The following CACNG4 variants were observed in gnomAD, a reference collection of about 807,000 sequenced individuals.
CACNG4 encodes the protein voltage-dependent calcium channel gamma-4 subunit.
Under a neutral mutation model 22.9 loss-of-function variants are expected in CACNG4, and 8 were observed. The observed-to-expected ratio is 0.35, with a 90% confidence interval of 0.21 to 0.63. The LOEUF (loss-of-function observed/expected upper bound fraction) is 0.63, where lower values mean the gene tolerates loss of function less well. CACNG4 is among the 30% of genes least tolerant of loss of function. The pLI, the probability that CACNG4 is intolerant of heterozygous loss-of-function variation, is 0.72. For synonymous variants in CACNG4, 188 were observed against 191.9 expected, an observed-to-expected ratio of 0.98 and a Z score of 0.17; for missense variants, 357 against 455.4, an observed-to-expected ratio of 0.78 and a Z score of 1.97.
intron 1 of CACNG4, among the ~76,000 whole-genome samples, chr17:67,000,722 TC>T (rs2035403169): frequency 2.0e-5 from 3 of 152,214 alleles, no homozygotes; most frequent in South Asian, 4.2e-4. Flanking sequence ...AGGACTGCTT[TC>T]GGGACGGGGG....
At chr17:66,980,683 C>T (rs1007594164) in intron 1 of CACNG4, among the ~76,000 whole-genome samples, 2 of 133,984 alleles carry the variant, frequency 1.5e-5, no homozygotes, top group Admixed American at 1.6e-4. Flanking sequence ...AGTGCAGTGG[C>T]ACAATCTCAT....
intron 1 of CACNG4, among the ~76,000 whole-genome samples, chr17:66,979,948 G>A (rs985940722): frequency 1.3e-5 from 2 of 151,936 alleles, no homozygotes; most frequent in Non-Finnish European, 2.9e-5. Flanking sequence ...TAGAGATGGG[G>A]TTTCACCATG....
At chr17:67,029,174 A>T (rs1206490100) in intron 3 of CACNG4, among the ~76,000 whole-genome samples, 1 of 151,968 alleles carries the variant, frequency 6.6e-6, no homozygotes, top group Non-Finnish European at 1.5e-5. Context: ...TCTACTAAAA[A>T]TACAAAAATT....
intron 1 of CACNG4, among the ~76,000 whole-genome samples, chr17:67,004,469 G>C (rs976233105): frequency 6.6e-6 from 1 of 152,136 alleles, no homozygotes; most frequent in South Asian, 2.1e-4. Context: ...CGTGGGGCTG[G>C]TGCTCAGCAT....
chr17:67,019,833 G>A (rs1159009351), intron 2 of CACNG4: 4 of 152,204 alleles, frequency 2.6e-5, no homozygotes, highest in African/African-American at 9.7e-5. Context: ...GGAGTGCTGG[G>A]GTCTCTTTAT....
At chr17:67,003,090 G>T (rs2035418052) in intron 1 of CACNG4, among the ~76,000 whole-genome samples, 1 of 152,096 alleles carries the variant, frequency 6.6e-6, no homozygotes, top group African/African-American at 2.4e-5. Flanking sequence ...AATAAGACCA[G>T]CTGACTCTTT....
At chr17:67,009,964 T>C (rs2035459609) in intron 1 of CACNG4, among the ~76,000 whole-genome samples, 1 of 152,080 alleles carries the variant, frequency 6.6e-6, no homozygotes, top group Non-Finnish European at 1.5e-5. Context: ...CTGCCCACCA[T>C]GCAAGACCCC....
chr17:66,974,696 A>G (rs2035225384), intron 1 of CACNG4, among the ~76,000 whole-genome samples: 1 of 152,142 alleles, frequency 6.6e-6, no homozygotes, highest in Non-Finnish European at 1.5e-5. Context: ...AGACAATGAC[A>G]GACTGAGCTG....
chr17:67,016,531 G>C (rs2035498563), intron 1 of CACNG4, among the ~76,000 whole-genome samples: 1 of 152,176 alleles, frequency 6.6e-6, no homozygotes, highest in Non-Finnish European at 1.5e-5. Flanking sequence ...ACCTCTCCTG[G>C]TTGGAAGCAT....
rs905951739 is a variant in CACNG4 at position 67,004,363 on chromosome 17, G to A, written c.221-13826G>A. The stretch of plus-strand genomic sequence containing the variant: ...ATCCTGGCCCTCTCTGGAACAAAGT[G>A]TTGGAGGAGGCGTGAGGCTGGTGCT... On this transcript the variant is annotated intron_variant, in intron 1 of 3. Coordinates refer to ENST00000262138, the MANE Select transcript of CACNG4 (RefSeq NM_014405.4). Among the ~76,000 whole-genome samples the A allele has an allele frequency of 2.6e-4, 39 of 152,302 alleles. 1 individual carries two copies. The highest frequency in any genetic ancestry group is 2.5e-3 in the Admixed American group (38 of 15,300).
chr17:66,973,073 C>T (rs1375234875), intron 1 of CACNG4, among the ~76,000 whole-genome samples: 1 of 152,008 alleles, frequency 6.6e-6, no homozygotes, highest in Non-Finnish European at 1.5e-5. Flanking sequence ...TGGTGAAACC[C>T]CCAACTCTAC....
chr17:66,973,908 G>T (rs146307295), intron 1 of CACNG4, among the ~76,000 whole-genome samples: 4 of 152,344 alleles, frequency 2.6e-5, no homozygotes, highest in African/African-American at 9.6e-5. Context: ...GAAGTGCTGC[G>T]CGAGACTCTC....
At chr17:66,981,166 T>C (rs1306204607) in intron 1 of CACNG4, among the ~76,000 whole-genome samples, 2 of 152,108 alleles carry the variant, frequency 1.3e-5, no homozygotes, top group East Asian at 3.9e-4. Flanking sequence ...GCTCAGAATG[T>C]TACCTTCTGT....
chr17:67,004,146 AAAC>A (rs780238284), intron 1 of CACNG4, among the ~76,000 whole-genome samples: 10 of 152,178 alleles, frequency 6.6e-5, no homozygotes, highest in East Asian at 3.8e-4. Flanking sequence ...ATGAAGAAAG[AAAC>A]AACAACAACA....
Position 67,030,428 on chromosome 17 carries a change from T to C in CACNG4, c.446-38T>C, listed in dbSNP as rs746552670. 5.0e-6 allele frequency: 8 copies of C among 1,596,158 alleles called. No individual in the cohort carries two copies. In the South Asian group the frequency reaches 9.0e-5, roughly 18 times the overall value. On this transcript the variant is annotated intron_variant, in intron 3 of 3. Coordinates refer to ENST00000262138, the MANE Select transcript of CACNG4 (RefSeq NM_014405.4). This position sits in a 1 kb window ranked among gnomAD's most constrained non-coding sequence, Gnocchi z 6.4. The stretch of plus-strand genomic sequence containing the variant: ...TGGGTCTAACCTCTGCCTCTCTCCC[T>C]CCCTGGCCCCGCTCCCCGCTCCCCG...
At position 67,031,898 on chromosome 17, in the gene CACNG4, A is replaced by G. The variant is rs2035609755; in HGVS notation, c.*894A>G. 1 of 456,158 alleles carries G rather than the reference A, an allele frequency of 2.2e-6. No homozygotes were observed. Among genetic ancestry groups the G allele is most frequent in the Non-Finnish European group, 4.4e-6 (1 of 226,896 alleles). The allele number at this position is 456,158 out of a possible 1,614,324, so 28.3% of individuals were successfully genotyped here. On this transcript the variant is annotated 3_prime_UTR_variant, in exon 4 of 4. Coordinates refer to ENST00000262138, the MANE Select transcript of CACNG4 (RefSeq NM_014405.4). The surrounding 1 kb of genome is among the most constrained non-coding windows in gnomAD (Gnocchi z 4.0). Reference sequence around the variant, plus strand: ...GGTCCCGGGGGAGAGGTGGACAGACACCTCCCTCCAACTGGCATTTGGCAA... The same window carrying G: ...GGTCCCGGGGGAGAGGTGGACAGACGCCTCCCTCCAACTGGCATTTGGCAA...
At chr17:67,016,296 A>T (rs1291038491) in intron 1 of CACNG4, among the ~76,000 whole-genome samples, 3 of 152,088 alleles carry the variant, frequency 2.0e-5, no homozygotes, top group African/African-American at 7.2e-5. Context: ...GGACACTCCT[A>T]GCATCACCTC....
chr17:67,006,953 T>C (rs1026133909), intron 1 of CACNG4, among the ~76,000 whole-genome samples: 19 of 152,098 alleles, frequency 1.2e-4, no homozygotes, highest in African/African-American at 4.6e-4. Flanking sequence ...GGCGGGTGGA[T>C]CACTTGAGGT....
chr17:67,012,117 G>T (rs1375247733), intron 1 of CACNG4, among the ~76,000 whole-genome samples: 1 of 152,218 alleles, frequency 6.6e-6, no homozygotes, highest in Non-Finnish European at 1.5e-5. Context: ...TTGGGGCGGT[G>T]TGGGAGGAGC....
Sources: allele counts gnomAD v4.1 joint callset (sites outside exome capture counted in the v4.1 genomes callset), GRCh38; gene constraint gnomAD v4.1.1; non-coding constraint Gnocchi (gnomAD v3.1); transcripts MANE v1.5; gene names NCBI Gene and HGNC (gene_info 2026-07-23, HGNC 2026-07-21).